SRPRA: variants seen among roughly 807,000 people sequenced by gnomAD.
The protein encoded by SRPRA is SRP receptor subunit alpha.
Under a neutral mutation model 61.1 loss-of-function variants are expected in SRPRA, and 30 were observed. The ratio of observed to expected loss-of-function variants is 0.49; its 90% CI spans 0.37 to 0.67. SRPRA has a LOEUF of 0.67. Ranked by LOEUF, SRPRA falls within the 30% of genes least tolerant of loss-of-function variation. The pLI, the probability that SRPRA is intolerant of heterozygous loss-of-function variation, is 0.00. For synonymous variants in SRPRA, 324 were observed against 299.7 expected (o/e 1.08, Z -0.84); for missense variants, 759 against 828.4 (o/e 0.92, Z 1.03).
the SRPRA span, among the ~76,000 whole-genome samples, chr11:126,237,522 GCCACC>G: frequency 2.1e-5 from 3 of 142,018 alleles, no homozygotes; most frequent in Non-Finnish European, 4.6e-5. Context: ...ACAGGCGTGA[GCCACC>G]CCACCTGGCC....
chr11:126,244,197 T>C, the SRPRA span, among the ~76,000 whole-genome samples: 4 of 152,200 alleles, frequency 2.6e-5, no homozygotes, highest in Non-Finnish European at 5.9e-5. The surrounding 1 kb of genome is among the most constrained non-coding windows in gnomAD (Gnocchi z 4.5). Flanking sequence ...CAAGGCTGTT[T>C]TCCCACTCCA....
chr11:126,264,495 G>T lies in SRPRA; in HGVS notation c.1570C>A (p.Arg524Ser). ...FDVVLVDTAGRMQDNAPLMTA... is the reference protein window; with the variant it reads ...FDVVLVDTAGSMQDNAPLMTA... Reference sequence around the variant, plus strand: ...ATCAGAGGGGCATTGTCTTGCATGCGGCCTGCCGTGTCCACCAGCACCACG... The same window carrying T: ...ATCAGAGGGGCATTGTCTTGCATGCTGCCTGCCGTGTCCACCAGCACCACG... The change falls in exon 12 of 14, where the codon CGC (arginine) becomes AGC (serine). Residue 524 changes from arginine (R) to serine (S), a missense_variant. Physicochemically the swap from Arg to Ser is moderately radical, Grantham distance 110. This residue lies in a region of SRPRA where 284 missense variants were observed against 365.9 expected (regional missense o/e 0.78). Coordinates refer to ENST00000332118, the MANE Select transcript of SRPRA (RefSeq NM_003139.4). The surrounding 1 kb of genome is among the most constrained non-coding windows in gnomAD (Gnocchi z 5.0). 6.2e-7 allele frequency: 1 copy of T among 1,613,754 alleles called. No homozygotes were observed. The highest frequency in any genetic ancestry group is 8.5e-7 in the Non-Finnish European group (1 of 1,180,030).
chr11:126,265,570 C>G lies in SRPRA; in HGVS notation c.1139-130G>C, dbSNP rs751062647. On this transcript the variant is annotated intron_variant, in intron 9 of 13. Transcript: ENST00000332118. The surrounding 1 kb of genome is among the most constrained non-coding windows in gnomAD (Gnocchi z 6.3). ...TCTTGTCCCAGAAATCCAGAACAGA[C>G]GCACATTACAAGGACTAACTCACTG... 8.1e-7 allele frequency: 1 copy of G among 1,231,366 alleles called. No individual in the cohort carries two copies. The highest frequency in any genetic ancestry group is 2.5e-5 in the East Asian group (1 of 40,050). 76.3% of individuals were successfully genotyped at this position (1,231,366 alleles called of 1,614,324 possible). A position where few individuals can be genotyped will look rare whatever the true frequency, so the allele number is the denominator to read the frequency against.
chr11:126,246,446 G>A, the SRPRA span, among the ~76,000 whole-genome samples: 1 of 152,124 alleles, frequency 6.6e-6, no homozygotes, highest in Non-Finnish European at 1.5e-5. Flanking sequence ...CCCTTAACTT[G>A]TCAACATCTG....
At chr11:126,266,159 T>C (rs1293692506) in intron 7 of SRPRA, 28 bp downstream of exon 7, 2 of 1,613,602 alleles carry the variant, frequency 1.2e-6, no homozygotes, top group Non-Finnish European at 1.7e-6. Context: ...CAGATGCATA[T>C]ACCAACCCCC....
chr11:126,238,884 TA>T, the SRPRA span, among the ~76,000 whole-genome samples: 59 of 139,920 alleles, frequency 4.2e-4, no homozygotes, highest in Admixed American at 4.3e-4. Context: ...ATATACCCGC[TA>T]AAAAAAAAAA....
downstream of SRPRA, among the ~76,000 whole-genome samples, chr11:126,261,705 AC>A (rs1438637678): frequency 6.6e-6 from 1 of 152,188 alleles, no homozygotes; most frequent in Non-Finnish European, 1.5e-5. Context: ...TGAAAAAAGT[AC>A]TGCTGGGTGT....
At chr11:126,258,908 G>A (rs1181877958), downstream of SRPRA, among the ~76,000 whole-genome samples, 1 of 152,216 alleles carries the variant, frequency 6.6e-6, no homozygotes, top group African/African-American at 2.4e-5. Flanking sequence ...AGTGCACTAA[G>A]ATTGCTCTAA....
Position 126,263,882 on chromosome 11 carries a change from G to A in SRPRA, c.*34C>T, listed in dbSNP as rs1287272030. ...TGATACAGGAAGAAGGGCTTGTGGG[G>A]AAAGCGGCGATTTGGTATTGGGCAA... On this transcript the variant is annotated 3_prime_UTR_variant, in exon 14 of 14. Transcript: ENST00000332118. 6.2e-7 allele frequency: 1 copy of A among 1,610,950 alleles called. No homozygotes were observed. The highest frequency in any genetic ancestry group is 1.1e-5 in the South Asian group (1 of 90,766).
the SRPRA span, among the ~76,000 whole-genome samples, chr11:126,246,793 T>G: frequency 6.6e-6 from 1 of 152,120 alleles, no homozygotes; most frequent in African/African-American, 2.4e-5. Flanking sequence ...AAGGTCACTG[T>G]TTTAGATGAA....
chr11:126,267,956 A>T lies in SRPRA; in HGVS notation c.201+47T>A, dbSNP rs1950852347. 8 of 1,577,076 alleles carry T rather than the reference A, an allele frequency of 5.1e-6. No homozygotes were observed. The highest frequency in any genetic ancestry group is 2.7e-5 in the African/African-American group (2 of 74,096). ...ATTAATCAGAGTTCTCTTAAAAATC[A>T]GGGCTATGTTAACAATGCAATCGTC... On this transcript the variant is annotated intron_variant, in intron 2 of 13. Transcript: ENST00000332118. This position sits in a 1 kb window ranked among gnomAD's most constrained non-coding sequence, Gnocchi z 4.2.
chr11:126,258,205 G>A (rs948597462), downstream of SRPRA, among the ~76,000 whole-genome samples: 3 of 152,240 alleles, frequency 2.0e-5, no homozygotes, highest in South Asian at 6.2e-4. Context: ...AGATGAGTGT[G>A]AGCAACATAG....
In SRPRA at chr11:126,267,882, A is replaced by C. The variant is rs952250873; in HGVS notation, c.201+121T>G. 2.4e-5 allele frequency: 34 copies of C among 1,394,348 alleles called. No homozygotes were observed. In the African/African-American group the frequency reaches 4.5e-4, roughly 19 times the overall value. The allele number at this position is 1,394,348 out of a possible 1,614,324, so 86.4% of individuals were successfully genotyped here. A position where few individuals can be genotyped will look rare whatever the true frequency, so the allele number is the denominator to read the frequency against. On this transcript the variant is annotated intron_variant, in intron 2 of 13. Coordinates refer to ENST00000332118, the MANE Select transcript of SRPRA (RefSeq NM_003139.4). This position sits in a 1 kb window ranked among gnomAD's most constrained non-coding sequence, Gnocchi z 4.2. Reference sequence around the variant, plus strand: ...GGCCCAGTAGCTGCTGTTTTCCCCCATCTACCTTTCTAGTTTTTTCAGTTA... The same window carrying C: ...GGCCCAGTAGCTGCTGTTTTCCCCCCTCTACCTTTCTAGTTTTTTCAGTTA...
At chr11:126,254,249 C>A in the SRPRA span, 1 of 1,585,976 alleles carries the variant, frequency 6.3e-7, no homozygotes, top group Non-Finnish European at 8.6e-7. Context: ...CCATTGTGAC[C>A]TTTAAACAGG....
In SRPRA at chr11:126,266,227, A is replaced by G; in HGVS notation, c.892T>C (p.Ser298Pro). The G allele has an allele frequency of 6.2e-7, 1 of 1,614,178 alleles. No homozygotes were observed. The highest frequency in any genetic ancestry group is 8.5e-7 in the Non-Finnish European group (1 of 1,180,038). ...TTTTGAGCAGCCCCTTCGTCATCAG[A>G]GCTGCTGCAGTCCAGATCCTGAAGC... ...GQLQDLDCSS[S>P]DDEGAAQNST... is the part of the protein sequence containing the mutation. Residue 298 changes from serine (S) to proline (P), a missense_variant, in exon 7 of 14, where the codon TCT (serine) becomes CCT (proline). Physicochemically the swap from Ser to Pro is moderately conservative, Grantham distance 74 (BLOSUM62 -1). Around this residue, in one of 2 missense-constraint regions of SRPRA, gnomAD observed 475 missense variants for 462.5 expected, o/e 1.03. Coordinates refer to ENST00000332118, the MANE Select transcript of SRPRA (RefSeq NM_003139.4).
the SRPRA span, chr11:126,250,795 T>A: frequency 7.7e-7 from 1 of 1,290,410 alleles, no homozygotes. The surrounding 1 kb of genome is among the most constrained non-coding windows in gnomAD (Gnocchi z 5.1). Flanking sequence ...TCAGAAAAGC[T>A]CTTTTCTAGT....
rs189799996 is a variant in SRPRA at position 126,264,021 on chromosome 11, C to A, written c.1812G>T (p.Thr604=). 2 of 1,614,016 alleles carry A rather than the reference C, an allele frequency of 1.2e-6. No individual in the cohort carries two copies. Among genetic ancestry groups the A allele is most frequent in the Non-Finnish European group, 1.7e-6 (2 of 1,180,044 alleles). Residue 604 remains threonine (T), a synonymous_variant, in exon 14 of 14, where the codon ACG becomes ACT. Coordinates refer to ENST00000332118, the MANE Select transcript of SRPRA (RefSeq NM_003139.4). This position sits in a 1 kb window ranked among gnomAD's most constrained non-coding sequence, Gnocchi z 5.0. The part of the protein sequence containing the change: ...DDKVGAAISM[T]YITSKPIVFV... ...AGACGATGGGTTTGCTTGTGATGTA[C>A]GTCATAGAAATAGCAGCTCCCACCT... is the stretch of plus-strand genomic sequence containing the variant.
the SRPRA span, chr11:126,254,272 C>A: frequency 1.9e-6 from 3 of 1,606,302 alleles, no homozygotes; most frequent in Non-Finnish European, 2.6e-6. Flanking sequence ...CTCAGCCCTG[C>A]CAAGCTGGTT....
chr11:126,268,829 G>A lies in SRPRA; in HGVS notation c.-25C>T. 3.1e-6 allele frequency: 5 copies of A among 1,596,364 alleles called. No individual in the cohort carries two copies. Among genetic ancestry groups the A allele is most frequent in the East Asian group, 2.2e-5 (1 of 44,796 alleles). ...TGGCGGCAGCGGCAGAGGAGCTGGG[G>A]CCGGCGCCGGGAATTCAGGCCGCGT... On this transcript the variant is annotated 5_prime_UTR_variant, in exon 1 of 14. Coordinates refer to ENST00000332118, the MANE Select transcript of SRPRA (RefSeq NM_003139.4).
Sources: allele counts gnomAD v4.1 joint callset (sites outside exome capture counted in the v4.1 genomes callset), GRCh38; gene constraint gnomAD v4.1.1; regional missense constraint gnomAD v4.1.1; non-coding constraint Gnocchi (gnomAD v3.1); transcripts MANE v1.5; gene names NCBI Gene and HGNC (gene_info 2026-07-23, HGNC 2026-07-21).